PWWP3B: variants seen among roughly 807,000 people sequenced by gnomAD.
PWWP3B encodes PWWP domain containing 3B.
PWWP3B carries 5 observed loss-of-function variants against 15.7 expected under a neutral mutation model. That is an observed-to-expected ratio of 0.32 (90% CI 0.17 to 0.67). The LOEUF is 0.67. Among genes scored for constraint, PWWP3B ranks in the 30% least tolerant of loss-of-function variants. The probability of loss-of-function intolerance (pLI) is 0.74; values close to 1 mark genes in which losing one functional copy is unlikely to be tolerated. For synonymous variants in PWWP3B, 203 were observed against 179.8 expected (o/e 1.13, Z -1.03); for missense variants, 519 against 493.1 (o/e 1.05, Z -0.50).
At position 106,204,182 on chromosome X, in the gene PWWP3B, C is replaced by G. The variant is rs1042116370; in HGVS notation, c.-215+12C>G. On this transcript the variant is annotated intron_variant, in intron 3 of 3. Coordinates refer to ENST00000357175, the MANE Select transcript of PWWP3B (RefSeq NM_001171020.2). ...CCACATGACAGTGGGTAAGACTCTT[C>G]CCATTTCATAAAACATTTCACGGTA... is the stretch of plus-strand genomic sequence containing the variant. 11 of 112,112 alleles carry G rather than the reference C, an allele frequency of 9.8e-5. No homozygotes were observed. The highest frequency in any genetic ancestry group is 3.6e-4 in the African/African-American group (11 of 30,842). 9.2% of individuals were successfully genotyped at this position (112,112 alleles called of 1,213,427 possible).
intron 2 of PWWP3B, among the ~76,000 whole-genome samples, chrX:106,188,828 G>A (rs1396569193): frequency 1.8e-5 from 2 of 112,389 alleles, no homozygotes; most frequent in Non-Finnish European, 3.8e-5. Flanking sequence ...CACCAATGTT[G>A]TTGCATATAT....
At chrX:106,195,376 G>A (rs745953641) in intron 2 of PWWP3B, among the ~76,000 whole-genome samples, 10 of 111,018 alleles carry the variant, frequency 9.0e-5, no homozygotes, top group African/African-American at 3.3e-4. Flanking sequence ...ATTTTTTATG[G>A]TCCATGCTTT....
At chrX:106,204,206 T>C (rs184218496) in intron 3 of PWWP3B, 36 bp downstream of exon 3, 1 of 112,187 alleles carries the variant, frequency 8.9e-6, no homozygotes, top group East Asian at 2.8e-4. Context: ...CATTTCACGG[T>C]AGAAACATGT....
Position 106,206,039 on chromosome X carries a change from A to T in PWWP3B, c.607A>T (p.Asn203Tyr). The change falls in exon 4 of 4, where the codon AAT (asparagine) becomes TAT (tyrosine). Residue 203 changes from asparagine to tyrosine, a missense_variant. Coordinates refer to ENST00000357175, the MANE Select transcript of PWWP3B (RefSeq NM_001171020.2). Reference sequence around the variant, plus strand: ...GACTTTCCCTTCACTTTCGGAAGATAATGATGAAAAAGAGAACAAGAATAA... The same window carrying T: ...GACTTTCCCTTCACTTTCGGAAGATTATGATGAAAAAGAGAACAAGAATAA... ...CETFPSLSED[N>Y]DEKENKNKID... 8.3e-7 allele frequency: 1 copy of T among 1,209,493 alleles called. No individual in the cohort carries two copies. Among genetic ancestry groups the T allele is most frequent in the South Asian group, 1.8e-5 (1 of 56,461 alleles).
intron 2 of PWWP3B, among the ~76,000 whole-genome samples, chrX:106,180,681 T>C (rs754028748): frequency 6.3e-5 from 7 of 111,917 alleles, no homozygotes; most frequent in Non-Finnish European, 9.4e-5. Context: ...CGCAGACCAG[T>C]GACCTAAGAA....
intron 2 of PWWP3B, among the ~76,000 whole-genome samples, chrX:106,174,471 T>G (rs1921781207): frequency 8.9e-6 from 1 of 112,023 alleles, no homozygotes; most frequent in Non-Finnish European, 1.9e-5. Context: ...TTTGTGAATA[T>G]TTTGTGAATA....
intron 2 of PWWP3B, among the ~76,000 whole-genome samples, chrX:106,184,473 C>A (rs1296959736): frequency 1.8e-5 from 2 of 111,366 alleles, no homozygotes; most frequent in African/African-American, 6.5e-5. Flanking sequence ...TTTGCAATTC[C>A]AGTCCCCATG....
chrX:106,183,767 T>C (rs1248542949), intron 2 of PWWP3B, among the ~76,000 whole-genome samples: 1 of 112,093 alleles, frequency 8.9e-6, no homozygotes, highest in Non-Finnish European at 1.9e-5. Context: ...AGGAAGTCAA[T>C]TTCCTGGCCC....
At chrX:106,197,085 C>T (rs1396894330) in intron 2 of PWWP3B, among the ~76,000 whole-genome samples, 5 of 111,776 alleles carry the variant, frequency 4.5e-5, no homozygotes, top group Non-Finnish European at 9.4e-5. Flanking sequence ...ACAGCCTTAG[C>T]GGGGCTCTAT....
chrX:106,191,868 T>C (rs1202142877), intron 2 of PWWP3B, among the ~76,000 whole-genome samples: 2 of 111,937 alleles, frequency 1.8e-5, no homozygotes, highest in African/African-American at 6.5e-5. Flanking sequence ...TGTTGAACCA[T>C]TCTTGCATCC....
At chrX:106,199,057 T>TC (rs1410812947) in intron 2 of PWWP3B, among the ~76,000 whole-genome samples, 3 of 106,554 alleles carry the variant, frequency 2.8e-5, no homozygotes, top group Non-Finnish European at 5.8e-5. Flanking sequence ...TAATTTTTTT[T>TC]TTTTTTTTTG....
intron 2 of PWWP3B, among the ~76,000 whole-genome samples, chrX:106,194,964 TC>T (rs1393960921): frequency 9.0e-6 from 1 of 111,427 alleles, no homozygotes; most frequent in African/African-American, 3.3e-5. Context: ...GGGGGGTGCC[TC>T]CCAATTAGGC....
intron 2 of PWWP3B, among the ~76,000 whole-genome samples, chrX:106,191,603 A>C (rs1161474347): frequency 9.0e-6 from 1 of 111,540 alleles, no homozygotes; most frequent in Non-Finnish European, 1.9e-5. Context: ...GAGAGAGGGC[A>C]TCCCTGTCTT....
At position 106,192,428 on chromosome X, in the gene PWWP3B, C is replaced by T. The variant is rs761727874; in HGVS notation, c.-400-11557C>T. On this transcript the variant is annotated intron_variant, in intron 2 of 3. Coordinates refer to ENST00000357175, the MANE Select transcript of PWWP3B (RefSeq NM_001171020.2). Reference sequence around the variant, plus strand: ...TTTATTGCATCTATTTGATTCTTCTCTCTTTTCTTCTTTATTAGTCTTGGT... The same window carrying T: ...TTTATTGCATCTATTTGATTCTTCTTTCTTTTCTTCTTTATTAGTCTTGGT... Among the ~76,000 whole-genome samples, 11 of 111,222 alleles carry T rather than the reference C, an allele frequency of 9.9e-5. No individual in the cohort carries two copies. The East Asian group carries it at 3.1e-3, about 32-fold the overall frequency.
chrX:106,188,479 T>C (rs779009734), intron 2 of PWWP3B, among the ~76,000 whole-genome samples: 2 of 112,000 alleles, frequency 1.8e-5, no homozygotes, highest in Non-Finnish European at 3.8e-5. Context: ...CTTATATTGG[T>C]CGTATTCTGA....
At chrX:106,171,835 C>A (rs2147579153) in intron 2 of PWWP3B, among the ~76,000 whole-genome samples, 1 of 110,594 alleles carries the variant, frequency 9.0e-6, no homozygotes, top group African/African-American at 3.3e-5. Flanking sequence ...GCAGTTGCAA[C>A]ACAACTGCCT....
In PWWP3B at chrX:106,190,485, T is replaced by G. The variant is rs746218846; in HGVS notation, c.-400-13500T>G. Reference sequence around the variant, plus strand: ...GTAGATTGCAAAAATTTTCTCCCATTTTGTAGGTTGCCTGTTCACTCTGAT... The same window carrying G: ...GTAGATTGCAAAAATTTTCTCCCATGTTGTAGGTTGCCTGTTCACTCTGAT... On this transcript the variant is annotated intron_variant, in intron 2 of 3. Transcript: ENST00000357175. Among the ~76,000 whole-genome samples, 21 of 111,535 alleles carry G rather than the reference T, an allele frequency of 1.9e-4. No individual in the cohort carries two copies. The East Asian group carries it at 2.8e-3, about 15-fold the overall frequency.
At chrX:106,188,268 T>C (rs1174537748) in intron 2 of PWWP3B, among the ~76,000 whole-genome samples, 9 of 112,024 alleles carry the variant, frequency 8.0e-5, no homozygotes, top group African/African-American at 2.9e-4. Context: ...TTAAAGCAAT[T>C]CAGAAGTACA....
rs1172508393 is a variant in PWWP3B, at chrX:106,207,635, G to C, written c.*112G>C. 36 of 742,311 alleles carry C rather than the reference G, an allele frequency of 4.8e-5. No individual in the cohort carries two copies. Among genetic ancestry groups the C allele is most frequent in the Non-Finnish European group, 6.6e-5 (36 of 542,117 alleles). The allele number at this position is 742,311 out of a possible 1,213,427, so 61.2% of individuals were successfully genotyped here. On this transcript the variant is annotated 3_prime_UTR_variant, in exon 4 of 4. Transcript: ENST00000357175. ...TTCTGCAAATGGGAGCATGGATAAT[G>C]TGTTCACTTTTTTTTGAGATCTCTA...
Sources: gnomAD v4.1 joint callset for allele counts (sites outside exome capture counted in the v4.1 genomes callset) on GRCh38, gnomAD v4.1.1 for gene constraint, MANE v1.5 for transcripts, NCBI Gene and HGNC (gene_info 2026-07-23, HGNC 2026-07-21) for gene names.